Variants in IQSEC1 observed in about 807,000 individuals in gnomAD.
The protein encoded by IQSEC1 is IQ motif and SEC7 domain-containing protein 1.
In IQSEC1, 31 loss-of-function variants were observed where a neutral mutation model predicts 91.0. The observed-to-expected ratio is 0.34, with a 90% CI of 0.26 to 0.46. The LOEUF is 0.46. Ranked by LOEUF, IQSEC1 falls within the 20% of genes least tolerant of loss-of-function variation. The pLI, the probability that IQSEC1 is intolerant of heterozygous loss-of-function variation, is 1.00. For missense variants in IQSEC1, 1,388 were observed against 1,575.6 expected (o/e 0.88, Z 2.02); for synonymous variants, 699 against 662.6 (o/e 1.05, Z -0.84).
At position 12,900,053 on chromosome 3, in the gene IQSEC1, T is replaced by C; in HGVS notation, c.*930A>G. On this transcript the variant is annotated 3_prime_UTR_variant, in exon 14 of 14. Coordinates refer to ENST00000613206, the MANE Select transcript of IQSEC1 (RefSeq NM_001134382.3). ...AACCAATGTCCTAAGACAACCAGCT[T>C]GTAACCAGCTGTCCTGAGTTGCTAC... The C allele has an allele frequency of 2.0e-6, 2 of 985,382 alleles. No individual in the cohort carries two copies. The highest frequency in any genetic ancestry group is 2.4e-6 in the Non-Finnish European group (2 of 829,890). 61.0% of individuals were successfully genotyped at this position (985,382 alleles called of 1,614,324 possible).
In IQSEC1 at chr3:12,925,033, G is replaced by C. The variant is rs369586166; in HGVS notation, c.1569-291C>G. 1.3e-4 allele frequency among the ~76,000 whole-genome samples: 20 copies of C among 152,350 alleles called. No homozygotes were observed. The South Asian group carries it at 3.7e-3, about 28-fold the overall frequency. ...CTTCACCTAGACTCACCCAGACCTT[G>C]TACAAAGAATGGGCTGGGCTGGCTG... On this transcript the variant is annotated intron_variant, in intron 3 of 13. Transcript: ENST00000613206.
intron 1 of IQSEC1, among the ~76,000 whole-genome samples, chr3:13,050,982 T>G (rs1704671687): frequency 6.6e-6 from 1 of 152,244 alleles, no homozygotes; most frequent in Non-Finnish European, 1.5e-5. Context: ...TCTCATTTTA[T>G]GTATGAGGGC....
intron 2 of IQSEC1, among the ~76,000 whole-genome samples, chr3:13,089,675 C>T (rs1488140479): frequency 1.3e-5 from 2 of 152,160 alleles, no homozygotes; most frequent in Non-Finnish European, 2.9e-5. Flanking sequence ...AGAAGCCAGA[C>T]ACAAAAGGAC....
chr3:12,974,953 A>G (rs534039130), intron 1 of IQSEC1, among the ~76,000 whole-genome samples: 1 of 152,308 alleles, frequency 6.6e-6, no homozygotes, highest in East Asian at 1.9e-4. Context: ...CCCCAGATAG[A>G]AGAGGCAGGC....
intron 1 of IQSEC1, among the ~76,000 whole-genome samples, chr3:12,958,549 G>C (rs1160659660): frequency 6.6e-6 from 1 of 152,218 alleles, no homozygotes; most frequent in Non-Finnish European, 1.5e-5. Context: ...CCACTGTCAC[G>C]ATTTAAGACT....
At chr3:12,952,901 C>A (rs748727248) in intron 1 of IQSEC1, among the ~76,000 whole-genome samples, 4 of 152,220 alleles carry the variant, frequency 2.6e-5, no homozygotes, top group Non-Finnish European at 5.9e-5. Context: ...GTGGTTTGAG[C>A]TGGAAGAGAC....
chr3:12,971,117 G>A (rs1700869452), intron 1 of IQSEC1, among the ~76,000 whole-genome samples: 1 of 152,222 alleles, frequency 6.6e-6, no homozygotes, highest in African/African-American at 2.4e-5. Context: ...CACATGACCT[G>A]CAAAACATAC....
In IQSEC1 at chr3:12,922,218, G is replaced by A. The variant is rs1185419571; in HGVS notation, c.1755C>T (p.Phe585=). The A allele has an allele frequency of 2.5e-6, 4 of 1,603,144 alleles. No homozygotes were observed. Among genetic ancestry groups the A allele is most frequent in the Non-Finnish European group, 2.6e-6 (3 of 1,172,784 alleles). ...GGGCCTCATCCAGCTCCATGGTAGA[G>A]AAGTCCATCTCGTCCACGACGCAGC... The part of the protein sequence containing the change: ...VLDCVVDEMD[F]STMELDEALR... Residue 585 remains phenylalanine (F), a synonymous_variant, in exon 5 of 14, where the codon TTC becomes TTT. Transcript: ENST00000613206. This position sits in a 1 kb window ranked among gnomAD's most constrained non-coding sequence, Gnocchi z 5.1.
At chr3:13,037,506 A>G (rs1299174323) in intron 1 of IQSEC1, among the ~76,000 whole-genome samples, 3 of 152,258 alleles carry the variant, frequency 2.0e-5, no homozygotes, top group Non-Finnish European at 4.4e-5. Flanking sequence ...GATGAATCTT[A>G]CCAATAAAAT....
At chr3:13,275,782 C>T (rs1695667441) in intron 1 of IQSEC1, among the ~76,000 whole-genome samples, 1 of 152,308 alleles carries the variant, frequency 6.6e-6, no homozygotes, top group South Asian at 2.1e-4. Context: ...GGGGGAGCGG[C>T]CCTAACCAAG....
chr3:13,012,610 TG>T (rs1222930650), intron 1 of IQSEC1, among the ~76,000 whole-genome samples: 1 of 152,222 alleles, frequency 6.6e-6, no homozygotes, highest in East Asian at 1.9e-4. Flanking sequence ...AAATGCCTAA[TG>T]TTTTCTGAGC....
At chr3:13,260,786 C>T (rs1472392570) in intron 1 of IQSEC1, among the ~76,000 whole-genome samples, 1 of 152,188 alleles carries the variant, frequency 6.6e-6, no homozygotes, top group African/African-American at 2.4e-5. Context: ...GAGAAAGCCA[C>T]ATTGTCCTGG....
At chr3:13,014,538 A>G (rs1703029004) in intron 1 of IQSEC1, among the ~76,000 whole-genome samples, 1 of 151,994 alleles carries the variant, frequency 6.6e-6, no homozygotes, top group Admixed American at 6.6e-5. Context: ...CACTTTTTCC[A>G]TCTGCCACTG....
At chr3:12,978,617 A>G (rs1365164804) in intron 1 of IQSEC1, among the ~76,000 whole-genome samples, 1 of 152,160 alleles carries the variant, frequency 6.6e-6, no homozygotes, top group Non-Finnish European at 1.5e-5. Context: ...AGGCAGGAGA[A>G]TCACTTGAAC....
At chr3:13,212,080 C>A (rs1191485523) in intron 1 of IQSEC1, among the ~76,000 whole-genome samples, 2 of 152,220 alleles carry the variant, frequency 1.3e-5, no homozygotes, top group Non-Finnish European at 1.5e-5. Context: ...CTCTGAGGGG[C>A]AGGTTTCTTA....
chr3:13,227,745 T>C (rs960218709), intron 1 of IQSEC1, among the ~76,000 whole-genome samples: 2 of 152,142 alleles, frequency 1.3e-5, no homozygotes, highest in Non-Finnish European at 2.9e-5. Flanking sequence ...CGTCATTCAC[T>C]AGTGGCTGAC....
chr3:12,942,086 C>T (rs1698808953), intron 1 of IQSEC1, among the ~76,000 whole-genome samples: 1 of 152,214 alleles, frequency 6.6e-6, no homozygotes, highest in African/African-American at 2.4e-5. Context: ...AGTGCACCAT[C>T]CTCTGACATC....
chr3:12,947,907 G>A (rs189825286), intron 1 of IQSEC1, among the ~76,000 whole-genome samples: 1 of 152,336 alleles, frequency 6.6e-6, no homozygotes, highest in Admixed American at 6.5e-5. Flanking sequence ...ACATGGCTGG[G>A]TGAAGCGCTA....
chr3:12,957,658 C>T (rs1025633623), intron 1 of IQSEC1, among the ~76,000 whole-genome samples: 28 of 152,208 alleles, frequency 1.8e-4, no homozygotes, highest in African/African-American at 6.3e-4. Flanking sequence ...AGATGCCCAT[C>T]GCGCAGAAGG....
Sources: allele counts gnomAD v4.1 joint callset (sites outside exome capture counted in the v4.1 genomes callset), GRCh38; gene constraint gnomAD v4.1.1; non-coding constraint Gnocchi (gnomAD v3.1); transcripts MANE v1.5; gene names NCBI Gene and HGNC (gene_info 2026-07-23, HGNC 2026-07-21).